The following MAPKAP1 variants were observed in gnomAD, a reference collection of about 807,000 sequenced individuals.
MAPKAP1 encodes the protein target of rapamycin complex 2 subunit MAPKAP1.
A neutral mutation model predicts 65.7 loss-of-function variants in MAPKAP1; 20 were observed. The observed-to-expected ratio is 0.30, with a 90% confidence interval of 0.21 to 0.44. The LOEUF is 0.44. Ranked by LOEUF, MAPKAP1 falls within the 20% of genes least tolerant of loss-of-function variation. MAPKAP1 has a pLI of 1.00. For synonymous variants in MAPKAP1, 222 were observed against 244.3 expected, an observed-to-expected ratio of 0.91 and a Z score of 0.85; for missense variants, 423 against 648.0, an observed-to-expected ratio of 0.65 and a Z score of 3.77.
At chr9:125,698,294 T>TAC (rs1381833972) in intron 1 of MAPKAP1, among the ~76,000 whole-genome samples, 1 of 6,320 alleles carries the variant, frequency 1.6e-4, no homozygotes, top group Non-Finnish European at 3.3e-4. Context: ...TATAAATATA[T>TAC]ATATATATAT....
chr9:125,514,140 C>A (rs1427545919), intron 7 of MAPKAP1, among the ~76,000 whole-genome samples: 1 of 152,186 alleles, frequency 6.6e-6, no homozygotes, highest in Admixed American at 6.5e-5. Flanking sequence ...CTCCTGGCTT[C>A]TGCACGTGCC....
intron 10 of MAPKAP1, among the ~76,000 whole-genome samples, chr9:125,461,441 C>A (rs1853490455): frequency 6.6e-6 from 1 of 152,186 alleles, no homozygotes; most frequent in Non-Finnish European, 1.5e-5. Flanking sequence ...AAAGGCGAGC[C>A]TTGTAAATGT....
chr9:125,550,679 T>C (rs1830559047), intron 6 of MAPKAP1, among the ~76,000 whole-genome samples: 1 of 152,228 alleles, frequency 6.6e-6, no homozygotes. Flanking sequence ...AAAAATCCTT[T>C]CTTTTCTCTA....
intron 6 of MAPKAP1, among the ~76,000 whole-genome samples, chr9:125,558,703 G>C (rs1244094561): frequency 1.3e-5 from 2 of 152,172 alleles, no homozygotes; most frequent in African/African-American, 2.4e-5. Context: ...TTGAAAAAAA[G>C]CTTAGGTTTG....
At chr9:125,596,206 T>C in intron 4 of MAPKAP1, 1 of 767,544 alleles carries the variant, frequency 1.3e-6, no homozygotes, top group Non-Finnish European at 2.4e-6. Context: ...AGGAAAGCTC[T>C]GTCAAAGCAA....
chr9:125,506,134 C>T (rs1233104951), intron 8 of MAPKAP1, 176 bp downstream of exon 8: 2 of 647,250 alleles, frequency 3.1e-6, no homozygotes, highest in East Asian at 5.5e-5. Flanking sequence ...CCAAAAAGCA[C>T]AAAATCAATC....
At chr9:125,467,495 T>G (rs1853721557) in intron 10 of MAPKAP1, among the ~76,000 whole-genome samples, 1 of 152,190 alleles carries the variant, frequency 6.6e-6, no homozygotes, top group African/African-American at 2.4e-5. Context: ...GCCAATAATC[T>G]AGGGGGTGCT....
chr9:125,488,353 G>A (rs11790051), intron 8 of MAPKAP1, among the ~76,000 whole-genome samples: 68 of 152,018 alleles, frequency 4.5e-4, no homozygotes, highest in African/African-American at 1.6e-3. Context: ...TGGAGTTCCA[G>A]TGTCATTTCT....
intron 10 of MAPKAP1, among the ~76,000 whole-genome samples, chr9:125,458,362 G>A (rs971809954): frequency 2.6e-5 from 4 of 151,900 alleles, no homozygotes; most frequent in Non-Finnish European, 4.4e-5. Context: ...AGGACCCTGC[G>A]GCCCTCTGCA....
chr9:125,488,745 GCA>G (rs1854588866), intron 8 of MAPKAP1, among the ~76,000 whole-genome samples: 1 of 152,202 alleles, frequency 6.6e-6, no homozygotes, highest in South Asian at 2.1e-4. Context: ...GCCCATGCTA[GCA>G]GTATGCTAGA....
At chr9:125,455,062 T>TA (rs943524051) in intron 10 of MAPKAP1, among the ~76,000 whole-genome samples, 2 of 151,226 alleles carry the variant, frequency 1.3e-5, no homozygotes, top group African/African-American at 2.4e-5. Flanking sequence ...AAAACAAAAA[T>TA]AAAAAAAATG....
intron 3 of MAPKAP1, among the ~76,000 whole-genome samples, chr9:125,665,755 G>A (rs1212772150): frequency 6.6e-6 from 1 of 152,166 alleles, no homozygotes; most frequent in Non-Finnish European, 1.5e-5. Flanking sequence ...TGCACTTTTG[G>A]ATGCAGTTCT....
intron 7 of MAPKAP1, among the ~76,000 whole-genome samples, chr9:125,514,811 C>T (rs1410988659): frequency 6.6e-6 from 1 of 152,146 alleles, no homozygotes; most frequent in Non-Finnish European, 1.5e-5. Flanking sequence ...CCAGGAGGAT[C>T]GTGCCAAGCC....
chr9:125,582,146 A>G (rs1336713567), intron 5 of MAPKAP1, among the ~76,000 whole-genome samples: 1 of 152,062 alleles, frequency 6.6e-6, no homozygotes, highest in Admixed American at 6.6e-5. Flanking sequence ...GTTTATCCCA[A>G]AGTATTTTTT....
At position 125,672,340 on chromosome 9, in the gene MAPKAP1, CA is replaced by C; in HGVS notation, c.234del (p.Phe78LeufsTer13). On this transcript the variant is annotated frameshift_variant, in exon 2 of 12. Coordinates refer to ENST00000265960, the MANE Select transcript of MAPKAP1 (RefSeq NM_001006617.3). LOFTEE classifies it high-confidence loss of function. ...CCTGTGTTTGAGCGTCTTCTAATAC[CA>C]AAGTCCCAACTTGAGGTAATATCGA... Reference protein sequence around the residue: ...QSVDITSSWDFGIRRRSNTAQ... With the variant: ...QSVDITSSWDXGIRRRSNTAQ... 6.2e-7 allele frequency: 1 copy of C among 1,614,132 alleles called. No homozygotes were observed.
chr9:125,698,832 A>G (rs575890423), intron 1 of MAPKAP1, among the ~76,000 whole-genome samples: 92 of 152,166 alleles, frequency 6.0e-4, no homozygotes, highest in Non-Finnish European at 1.0e-3. Context: ...AATAGCTTAA[A>G]AACAGCATCC....
intron 1 of MAPKAP1, among the ~76,000 whole-genome samples, chr9:125,684,949 A>G (rs534222152): frequency 6.6e-6 from 1 of 152,332 alleles, no homozygotes; most frequent in Non-Finnish European, 1.5e-5. Context: ...TTGGGATTAC[A>G]GACCTGAGCC....
chr9:125,623,205 G>A (rs1410243986), intron 4 of MAPKAP1, among the ~76,000 whole-genome samples: 1 of 137,398 alleles, frequency 7.3e-6, no homozygotes. Context: ...TGCAGCCTCT[G>A]CCCGGCCGCC....
At chr9:125,506,615 A>C (rs1464108479) in intron 7 of MAPKAP1, among the ~76,000 whole-genome samples, 198 bp from the exon 8 acceptor site, 2 of 152,170 alleles carry the variant, frequency 1.3e-5, no homozygotes, top group Non-Finnish European at 2.9e-5. Context: ...TTCTATTATC[A>C]AGTCTGTTGC....
Sources: allele counts gnomAD v4.1 joint callset (sites outside exome capture counted in the v4.1 genomes callset), GRCh38; gene constraint gnomAD v4.1.1; transcripts MANE v1.5; gene names NCBI Gene and HGNC (gene_info 2026-07-23, HGNC 2026-07-21).